The following CABCOCO1 variants were observed in gnomAD, a reference collection of about 807,000 sequenced individuals.
CABCOCO1 encodes ciliary associated calcium binding coiled-coil 1.
CABCOCO1 carries 28 observed loss-of-function variants against 35.7 expected under a neutral mutation model. That is an observed-to-expected ratio of 0.78 (90% CI 0.58 to 1.07). The LOEUF (loss-of-function observed/expected upper bound fraction) is 1.07. CABCOCO1 is among the 50% of genes least tolerant of loss of function. CABCOCO1 has a pLI of 0.00. For synonymous variants in CABCOCO1, 95 were observed against 100.1 expected, an observed-to-expected ratio of 0.95 and a Z score of 0.30; for missense variants, 326 against 309.2, an observed-to-expected ratio of 1.05 and a Z score of -0.41.
intron 5 of CABCOCO1, among the ~76,000 whole-genome samples, chr10:61,748,444 T>C (rs1007591987): frequency 2.1e-4 from 32 of 152,214 alleles, no homozygotes; most frequent in Admixed American, 1.8e-3. Flanking sequence ...CCTCACACTT[T>C]TAAGCTTTTT....
intron 2 of CABCOCO1, among the ~76,000 whole-genome samples, chr10:61,680,474 AT>A (rs74194960): frequency 0.063 from 1,265 of 19,962 alleles, 25 homozygotes; most frequent in Non-Finnish European, 0.11. Flanking sequence ...TATAATATAT[AT>A]TTATATATAT....
chr10:61,695,197 T>C (rs1840262741), intron 5 of CABCOCO1, among the ~76,000 whole-genome samples: 1 of 151,742 alleles, frequency 6.6e-6, no homozygotes, highest in African/African-American at 2.4e-5. Flanking sequence ...ATGGATGTTC[T>C]GTAATAGAAA....
At position 61,663,023 on chromosome 10, in the gene CABCOCO1, C is replaced by A; in HGVS notation, c.51C>A (p.Pro17=). 1.1e-5 allele frequency: 1 copy of A among 92,406 alleles called. No individual in the cohort carries two copies. Among genetic ancestry groups the A allele is most frequent in the Admixed American group, 1.7e-4 (1 of 5,972 alleles). 5.7% of individuals were successfully genotyped at this position (92,406 alleles called of 1,614,324 possible). ...PWGPTPAGTT[P]ESERDTEFQE... is the part of the protein sequence containing the mutation. Reference sequence around the variant, plus strand: ...GGCCGACCCCGGCGGGAACCACGCCCGAATCGGAGGTACACCGCCCCTTTC... The same window carrying A: ...GGCCGACCCCGGCGGGAACCACGCCAGAATCGGAGGTACACCGCCCCTTTC... Residue 17 remains proline (P), a synonymous_variant, in exon 1 of 8, where the codon CCC becomes CCA. Coordinates refer to ENST00000648843, the MANE Select transcript of CABCOCO1 (RefSeq NM_001366906.2).
At chr10:61,665,730 AC>A (rs1248784133) in intron 1 of CABCOCO1, among the ~76,000 whole-genome samples, 1 of 151,826 alleles carries the variant, frequency 6.6e-6, no homozygotes, top group Non-Finnish European at 1.5e-5. Context: ...TACTAAAAAT[AC>A]AAAAAATTAG....
chr10:61,693,480 A>G (rs947489416), intron 5 of CABCOCO1, among the ~76,000 whole-genome samples: 4 of 152,092 alleles, frequency 2.6e-5, no homozygotes, highest in South Asian at 4.1e-4. Context: ...TTGTGGATAG[A>G]TGAGAAAAAA....
At chr10:61,679,341 A>ATATCTG (rs1839636371) in intron 2 of CABCOCO1, among the ~76,000 whole-genome samples, 2 of 138,288 alleles carry the variant, frequency 1.4e-5, no homozygotes, top group African/African-American at 5.5e-5. Flanking sequence ...ATCTATATCT[A>ATATCTG]TCTATCTATC....
chr10:61,697,450 A>G (rs888610135), intron 5 of CABCOCO1, among the ~76,000 whole-genome samples: 1 of 152,080 alleles, frequency 6.6e-6, no homozygotes, highest in African/African-American at 2.4e-5. Context: ...GAACAATATG[A>G]ATAGTGTTCC....
intron 5 of CABCOCO1, among the ~76,000 whole-genome samples, chr10:61,749,391 C>T (rs1841733234): frequency 6.6e-6 from 1 of 152,224 alleles, no homozygotes; most frequent in Non-Finnish European, 1.5e-5. Context: ...TGCCCCTACG[C>T]TTTCCTGTTT....
chr10:61,677,690 C>A (rs1176864242), intron 2 of CABCOCO1, among the ~76,000 whole-genome samples: 1 of 152,038 alleles, frequency 6.6e-6, no homozygotes, highest in Non-Finnish European at 1.5e-5. Flanking sequence ...TGCTATCCCT[C>A]CCCACTCCCC....
intron 5 of CABCOCO1, among the ~76,000 whole-genome samples, chr10:61,730,955 G>A (rs1841288831): frequency 6.6e-6 from 1 of 151,680 alleles, no homozygotes; most frequent in African/African-American, 2.4e-5. Flanking sequence ...AGGAACTCTT[G>A]TAAATCGAAA....
At chr10:61,697,746 G>T (rs1840333605) in intron 5 of CABCOCO1, among the ~76,000 whole-genome samples, 1 of 152,050 alleles carries the variant, frequency 6.6e-6, no homozygotes, top group Non-Finnish European at 1.5e-5. Flanking sequence ...GGCACATTTT[G>T]TAAATTAAGT....
At chr10:61,761,639 C>G (rs923317054) in intron 7 of CABCOCO1, among the ~76,000 whole-genome samples, 2 of 151,992 alleles carry the variant, frequency 1.3e-5, no homozygotes, top group African/African-American at 4.8e-5. Context: ...ATTTTTCAGG[C>G]CAAATGATTA....
rs1841971546 is a variant in CABCOCO1 at position 61,759,947 on chromosome 10, G to C, written c.553-112G>C. The C allele has an allele frequency of 3.0e-6, 4 of 1,331,656 alleles. No homozygotes were observed. In the South Asian group the frequency reaches 6.1e-5, roughly 20 times the overall value. The allele number at this position is 1,331,656 out of a possible 1,614,324, so 82.5% of individuals were successfully genotyped here. ...TGGCATCAAAAATTCAAAGGAGGTG[G>C]CACTTGAAAGATAACAGACTTGGAA... On this transcript the variant is annotated intron_variant, in intron 5 of 7. Transcript: ENST00000648843.
chr10:61,737,912 G>A (rs933100409), intron 5 of CABCOCO1, among the ~76,000 whole-genome samples: 3 of 151,948 alleles, frequency 2.0e-5, no homozygotes, highest in African/African-American at 7.2e-5. Context: ...TGTGACACAT[G>A]TTTACCTATG....
chr10:61,721,698 C>T (rs7896651), intron 5 of CABCOCO1, among the ~76,000 whole-genome samples: 4,495 of 152,226 alleles, frequency 0.03, 85 homozygotes, highest in African/African-American at 0.052. Context: ...ATTTTACTTC[C>T]TGCTTGTGGC....
At position 61,760,182 on chromosome 10, in the gene CABCOCO1, G is replaced by T. The variant is rs371259865; in HGVS notation, c.675+1G>T. The T allele has an allele frequency of 7.5e-5, 121 of 1,610,206 alleles. No homozygotes were observed. The highest frequency in any genetic ancestry group is 9.8e-5 in the Non-Finnish European group (115 of 1,177,356). On this transcript the variant is annotated splice_donor_variant, in intron 6 of 7. Coordinates refer to ENST00000648843, the MANE Select transcript of CABCOCO1 (RefSeq NM_001366906.2). LOFTEE classifies it high-confidence loss of function. ...CACAATATTGGATACGGAAATGAAG[G>T]TATATTTCTTTTTGTCTTTCCATTC...
chr10:61,724,544 C>T (rs1384571822), intron 5 of CABCOCO1, among the ~76,000 whole-genome samples: 2 of 152,074 alleles, frequency 1.3e-5, no homozygotes, highest in Non-Finnish European at 2.9e-5. Flanking sequence ...GGAAAACACT[C>T]CCATATCTAA....
chr10:61,682,935 C>G (rs4948473), intron 3 of CABCOCO1, among the ~76,000 whole-genome samples: 113,970 of 148,302 alleles, frequency 0.77, 44,597 homozygotes, highest in Middle Eastern at 0.94. Context: ...CACTTGGCCA[C>G]GCTGGAGTGC....
At chr10:61,674,303 G>A (rs899275959) in intron 2 of CABCOCO1, among the ~76,000 whole-genome samples, 6 of 152,160 alleles carry the variant, frequency 3.9e-5, no homozygotes, top group Non-Finnish European at 8.8e-5. Flanking sequence ...AGAAGGTGAT[G>A]CAGAAGTTAG....
Sources: allele counts gnomAD v4.1 joint callset (sites outside exome capture counted in the v4.1 genomes callset), GRCh38; gene constraint gnomAD v4.1.1; transcripts MANE v1.5; gene names NCBI Gene and HGNC (gene_info 2026-07-23, HGNC 2026-07-21).